Variants in DDX27 observed in about 807,000 individuals in gnomAD.
DDX27 encodes probable ATP-dependent RNA helicase DDX27.
A neutral mutation model predicts 99.3 loss-of-function variants in DDX27; 42 were observed. That is an observed-to-expected ratio of 0.42 (90% CI 0.33 to 0.55). The LOEUF is 0.55. Among genes scored for constraint, DDX27 ranks in the 20% least tolerant of loss-of-function variants. The pLI, the probability that DDX27 is intolerant of heterozygous loss-of-function variation, is 0.07. For synonymous variants in DDX27, 329 were observed against 353.8 expected, an observed-to-expected ratio of 0.93 and a Z score of 0.79; for missense variants, 798 against 976.8, an observed-to-expected ratio of 0.82 and a Z score of 2.44.
In DDX27 at chr20:49,242,663, T is replaced by C; in HGVS notation, c.2186T>C (p.Leu729Pro). The C allele has an allele frequency of 1.2e-6, 2 of 1,613,890 alleles. No homozygotes were observed. Among genetic ancestry groups the C allele is most frequent in the Non-Finnish European group, 1.7e-6 (2 of 1,179,956 alleles). Residue 729 changes from leucine to proline, a missense_variant, in exon 19 of 21, where the codon CTG (leucine) becomes CCG (proline). Physicochemically the swap from Leu to Pro is moderately conservative, Grantham distance 98. Coordinates refer to ENST00000618172, the MANE Select transcript of DDX27 (RefSeq NM_017895.8). ...CTCACCAACACAAGCAAGAAGGCCC[T>C]GAAACAGTATCGAGCTGGGTAGGAT... is the stretch of plus-strand genomic sequence containing the variant. Reference protein sequence around the residue: ...EELTNTSKKALKQYRAGPSFE... With the variant: ...EELTNTSKKAPKQYRAGPSFE...
chr20:49,244,073 ACCAAT>A (rs1438650321), downstream of DDX27: 9 of 589,932 alleles, frequency 1.5e-5, no homozygotes, highest in Non-Finnish European at 2.7e-5. Context: ...GAAAAGAGAA[ACCAAT>A]CCAAGTGTAT....
At chr20:49,234,634 A>G (rs1980244300) in intron 11 of DDX27, 2 of 253,398 alleles carry the variant, frequency 7.9e-6, no homozygotes, top group Non-Finnish European at 1.5e-5. Flanking sequence ...TCCTCTGTCT[A>G]GAATCTTCCC....
At chr20:49,223,169 C>A in intron 3 of DDX27, 99 bp from the exon 4 acceptor site, 1 of 1,413,092 alleles carries the variant, frequency 7.1e-7, no homozygotes, top group Non-Finnish European at 9.6e-7. Context: ...CTGAGAATCC[C>A]CACAGCCGTT....
chr20:49,224,372 T>TTTTTTTTTTTGTTTGTG (rs1312400432), intron 4 of DDX27, among the ~76,000 whole-genome samples: 1 of 150,096 alleles, frequency 6.7e-6, no homozygotes. Flanking sequence ...CTTTCTTTTT[T>TTTTTTTTTTTGTTTGTG]TTTTTTTGAG....
Position 49,242,544 on chromosome 20 carries a change from G to T in DDX27, c.2117-50G>T. 1.3e-6 allele frequency: 2 copies of T among 1,561,930 alleles called. 1 individual carries two copies. The highest frequency in any genetic ancestry group is 3.4e-4 in the Middle Eastern group (2 of 5,954). On this transcript the variant is annotated intron_variant, in intron 18 of 20. Coordinates refer to ENST00000618172, the MANE Select transcript of DDX27 (RefSeq NM_017895.8). ...ATTACCTTGAACTTAAGGGGATTTA[G>T]GAGCTTGGGCCAAAGACAACCATAT...
At chr20:49,219,801 CTGTG>C (rs1030747647) in intron 1 of DDX27, among the ~76,000 whole-genome samples, 11 of 152,266 alleles carry the variant, frequency 7.2e-5, no homozygotes, top group African/African-American at 2.6e-4. Context: ...TAACCACGCC[CTGTG>C]TAAGAGACGG....
Position 49,221,560 on chromosome 20 carries a change from T to C in DDX27, c.202T>C (p.Trp68Arg), listed in dbSNP as rs1367643936. ...TEKEGTYDGSWALADVMSQLK... is the reference protein window; with the variant it reads ...TEKEGTYDGSRALADVMSQLK... ...GAAGGAGGGGACGTACGATGGCAGC[T>C]GGGCCCTGGCTGATGTCATGAGCCA... Residue 68 changes from tryptophan (W) to arginine (R), a missense_variant, in exon 2 of 21, where the codon TGG becomes CGG. Physicochemically the swap from Trp to Arg is moderately radical, Grantham distance 101. Transcript: ENST00000618172. 2 of 1,612,156 alleles carry C rather than the reference T, an allele frequency of 1.2e-6. No homozygotes were observed. The highest frequency in any genetic ancestry group is 1.7e-6 in the Non-Finnish European group (2 of 1,179,104).
chr20:49,230,741 T>G (rs1980080327), intron 9 of DDX27, among the ~76,000 whole-genome samples: 1 of 152,192 alleles, frequency 6.6e-6, no homozygotes, highest in Admixed American at 6.5e-5. Flanking sequence ...CCTCTGTGAC[T>G]GCAGTGGGGA....
At chr20:49,235,228 T>TCACAGTGGTTAGGTTA in intron 12 of DDX27, 140 bp downstream of exon 12, 2 of 962,660 alleles carry the variant, frequency 2.1e-6, no homozygotes, top group Non-Finnish European at 2.9e-6. Flanking sequence ...CATTTTAACC[T>TCACAGTGGTTAGGTTA]AACCACTGTG....
At chr20:49,227,441 ACTGCAACCT>A (rs1202673821) in intron 7 of DDX27, among the ~76,000 whole-genome samples, 1 of 152,032 alleles carries the variant, frequency 6.6e-6, no homozygotes. Context: ...ATCTCGGCTC[ACTGCAACCT>A]CTGCCTCCTG....
chr20:49,234,219 C>T (rs1270474598), intron 11 of DDX27: 3 of 153,586 alleles, frequency 2.0e-5, no homozygotes, highest in Non-Finnish European at 2.9e-5. Flanking sequence ...GGATCCCAGC[C>T]TTGGAGGCTT....
intron 16 of DDX27, among the ~76,000 whole-genome samples, chr20:49,240,414 C>T (rs1046426497): frequency 6.6e-6 from 1 of 152,022 alleles, no homozygotes; most frequent in Admixed American, 6.6e-5. Context: ...TTATATAGGC[C>T]CACATATGCT....
rs770605368 is a variant in DDX27, at chr20:49,236,145, T to A, written c.1428-5T>A. On this transcript the variant is annotated splice_polypyrimidine_tract_variant and splice_region_variant and intron_variant, in intron 12 of 20. Transcript: ENST00000618172. This position sits in a 1 kb window ranked among gnomAD's most constrained non-coding sequence, Gnocchi z 4.1. ...GGATGAACAGCTGTTTGTGACTGTT[T>A]CTAGGCGTTTTAAGGATGAACAGAT... is the stretch of plus-strand genomic sequence containing the variant. The A allele has an allele frequency of 4.4e-6, 7 of 1,608,068 alleles. No homozygotes were observed. The highest frequency in any genetic ancestry group is 5.9e-6 in the Non-Finnish European group (7 of 1,177,356).
rs1980405523 is a variant in DDX27, at chr20:49,239,416, T to C, written c.1897+78T>C. ...TCAGCAGTTCCATTTCCTAGTTCTA[T>C]ACTGTAAAGCAGCGGTCCCCAACCT... On this transcript the variant is annotated intron_variant, in intron 16 of 20. Transcript: ENST00000618172. The C allele has an allele frequency of 8.3e-6, 9 of 1,089,522 alleles. No homozygotes were observed. In the South Asian group the frequency reaches 1.2e-4, roughly 15 times the overall value. 67.5% of individuals were successfully genotyped at this position (1,089,522 alleles called of 1,614,324 possible).
At chr20:49,221,808 CT>C (rs11475081) in intron 2 of DDX27, among the ~76,000 whole-genome samples, 39,534 of 131,996 alleles carry the variant, frequency 0.3, 5,769 homozygotes, top group African/African-American at 0.42. Context: ...GACTCACTGT[CT>C]TTTTTTTTTT....
rs779168788 is a variant in DDX27, at chr20:49,243,678, G to C, written c.2254G>C (p.Gly752Arg). ...KQLGLPHQRR[G>R]GNFKSKSRYK... Reference sequence around the variant, plus strand: ...GTTGGGCTTGCCCCACCAGAGACGAGGAGGAAACTTTAAATCTAAATCCAG... The same window carrying C: ...GTTGGGCTTGCCCCACCAGAGACGACGAGGAAACTTTAAATCTAAATCCAG... The change falls in exon 20 of 21, where the codon GGA becomes CGA. Residue 752 changes from glycine (G) to arginine (R), a missense_variant. Transcript: ENST00000618172. The C allele has an allele frequency of 1.2e-6, 2 of 1,614,178 alleles. No individual in the cohort carries two copies.
intron 1 of DDX27, among the ~76,000 whole-genome samples, chr20:49,221,230 G>C (rs1979667487): frequency 6.6e-6 from 1 of 152,178 alleles, no homozygotes; most frequent in South Asian, 2.1e-4. Context: ...AAAGTGCTGG[G>C]ATTACAGGCG....
intron 8 of DDX27, among the ~76,000 whole-genome samples, chr20:49,229,650 C>CTTTTT (rs71186442): frequency 1.0e-4 from 14 of 134,338 alleles, no homozygotes; most frequent in East Asian, 4.4e-4. Flanking sequence ...CAGGCATTCT[C>CTTTTT]TTTTTTTTTT....
At position 49,230,248 on chromosome 20, in the gene DDX27, C is replaced by T; in HGVS notation, c.930C>T (p.Asp310=). The T allele has an allele frequency of 1.2e-6, 2 of 1,613,448 alleles. No individual in the cohort carries two copies. The highest frequency in any genetic ancestry group is 1.7e-6 in the Non-Finnish European group (2 of 1,180,014). The change falls in exon 9 of 21, where the codon GAC becomes GAT. Residue 310 remains aspartate, a synonymous_variant. Coordinates refer to ENST00000618172, the MANE Select transcript of DDX27 (RefSeq NM_017895.8). ...AAGCAGCTCTTCGGGCAGCGCCTGACATCCTCATCGCCACCCCAGGCCGGC... is the reference window on the plus strand; with the variant it reads ...AAGCAGCTCTTCGGGCAGCGCCTGATATCCTCATCGCCACCCCAGGCCGGC... The part of the protein sequence containing the change: ...SQEAALRAAP[D]ILIATPGRLI...
Sources: allele counts gnomAD v4.1 joint callset (sites outside exome capture counted in the v4.1 genomes callset), GRCh38; gene constraint gnomAD v4.1.1; non-coding constraint Gnocchi (gnomAD v3.1); transcripts MANE v1.5; gene names NCBI Gene and HGNC (gene_info 2026-07-23, HGNC 2026-07-21).